SETBP1: variants seen among roughly 807,000 people sequenced by gnomAD.
The protein encoded by SETBP1 is SET-binding protein.
SETBP1 carries 9 observed loss-of-function variants against 101.0 expected under a neutral mutation model. The ratio of observed to expected loss-of-function variants is 0.09; its 90% CI spans 0.05 to 0.16. The LOEUF (loss-of-function observed/expected upper bound fraction) is 0.16, where lower values mean the gene tolerates loss of function less well. Ranked by LOEUF, SETBP1 falls within the 10% of genes least tolerant of loss-of-function variation. The pLI, the probability that SETBP1 is intolerant of heterozygous loss-of-function variation, is 1.00. For synonymous variants in SETBP1, 818 were observed against 788.5 expected (o/e 1.04, Z -0.63); for missense variants, 1,858 against 2,033.8 (o/e 0.91, Z 1.66).
At chr18:44,845,905 C>G (rs1397690924) in intron 2 of SETBP1, among the ~76,000 whole-genome samples, 1 of 152,152 alleles carries the variant, frequency 6.6e-6, no homozygotes, top group Non-Finnish European at 1.5e-5. Context: ...ATACCTCTTC[C>G]CAGGGTAAAT....
intron 5 of SETBP1, among the ~76,000 whole-genome samples, chr18:45,056,845 A>G (rs912500713): frequency 2.6e-5 from 4 of 152,198 alleles, no homozygotes; most frequent in African/African-American, 9.6e-5. Context: ...ACCTTGTCCC[A>G]AGAAAAAATG....
At chr18:44,757,115 G>T (rs963069379) in intron 2 of SETBP1, among the ~76,000 whole-genome samples, 9 of 152,020 alleles carry the variant, frequency 5.9e-5, no homozygotes, top group African/African-American at 1.9e-4. Context: ...AGATACAGTT[G>T]TTAGGATGAG....
intron 2 of SETBP1, among the ~76,000 whole-genome samples, chr18:44,801,307 A>G (rs1388183798): frequency 6.6e-6 from 1 of 152,004 alleles, no homozygotes; most frequent in Non-Finnish European, 1.5e-5. Flanking sequence ...TAGGGGCAGG[A>G]CAAGATCAGA....
At chr18:44,732,165 A>T (rs1357085016) in intron 2 of SETBP1, among the ~76,000 whole-genome samples, 1 of 152,208 alleles carries the variant, frequency 6.6e-6, no homozygotes, top group Non-Finnish European at 1.5e-5. Flanking sequence ...GACCTAAGAA[A>T]GTTGATTACC....
At chr18:44,986,128 C>G (rs903561455) in intron 4 of SETBP1, 1 of 152,172 alleles carries the variant, frequency 6.6e-6, no homozygotes, top group African/African-American at 2.4e-5. Flanking sequence ...GGATAGCCTG[C>G]TACACACCTA....
At chr18:45,043,494 C>T (rs955816773) in intron 5 of SETBP1, among the ~76,000 whole-genome samples, 1 of 151,658 alleles carries the variant, frequency 6.6e-6, no homozygotes, top group Non-Finnish European at 1.5e-5. Context: ...CTCAACTGCT[C>T]GAGGTGTAGC....
At chr18:44,888,838 G>T (rs1321863340) in intron 3 of SETBP1, among the ~76,000 whole-genome samples, 1 of 152,100 alleles carries the variant, frequency 6.6e-6, no homozygotes, top group African/African-American at 2.4e-5. Flanking sequence ...TCAGCTGACT[G>T]CTTTAGTTTT....
intron 4 of SETBP1, among the ~76,000 whole-genome samples, chr18:44,977,162 T>A (rs538773451): frequency 2.7e-4 from 41 of 152,360 alleles, no homozygotes; most frequent in African/African-American, 9.1e-4. Flanking sequence ...GGTTTCCTTC[T>A]GTACTCACCA....
chr18:44,718,291 T>G (rs1292212976), intron 2 of SETBP1, among the ~76,000 whole-genome samples: 1 of 152,142 alleles, frequency 6.6e-6, no homozygotes, highest in Admixed American at 6.5e-5. Context: ...GCCCTCATGC[T>G]CAGCCCTGCC....
chr18:44,903,250 A>G (rs2070095333), intron 3 of SETBP1, among the ~76,000 whole-genome samples: 1 of 152,162 alleles, frequency 6.6e-6, no homozygotes, highest in Admixed American at 6.5e-5. Flanking sequence ...TATAAAATAA[A>G]GCTCTTTTTC....
chr18:44,974,085 A>G (rs1022745104), intron 4 of SETBP1, among the ~76,000 whole-genome samples: 2 of 152,362 alleles, frequency 1.3e-5, no homozygotes, highest in East Asian at 3.9e-4. Flanking sequence ...TACAAAATAC[A>G]ATTCAAATTT....
At chr18:44,990,989 G>A (rs1599419180) in intron 4 of SETBP1, among the ~76,000 whole-genome samples, 1 of 148,880 alleles carries the variant, frequency 6.7e-6, no homozygotes, top group Non-Finnish European at 1.5e-5. Context: ...GGTGGCTCAC[G>A]CCTGTAATCC....
chr18:44,872,871 A>G (rs1001004979), intron 3 of SETBP1, among the ~76,000 whole-genome samples: 1 of 152,256 alleles, frequency 6.6e-6, no homozygotes, highest in Non-Finnish European at 1.5e-5. Context: ...AACGTCCACC[A>G]CAGAGGAAAG....
At chr18:44,702,129 A>G (rs2069126621) in intron 2 of SETBP1, among the ~76,000 whole-genome samples, 2 of 152,152 alleles carry the variant, frequency 1.3e-5, no homozygotes, top group African/African-American at 4.8e-5. Context: ...GCTAGAGAAA[A>G]CGATCTTAAG....
chr18:44,770,397 A>G (rs1335508229), intron 2 of SETBP1, among the ~76,000 whole-genome samples: 1 of 152,224 alleles, frequency 6.6e-6, no homozygotes, highest in Non-Finnish European at 1.5e-5. Context: ...TCAGTTAGAC[A>G]TCAAACATCT....
intron 4 of SETBP1, among the ~76,000 whole-genome samples, chr18:45,012,438 A>C (rs2072858484): frequency 6.6e-6 from 1 of 152,016 alleles, no homozygotes. Flanking sequence ...GAGTGTGGGG[A>C]ATAGTGACTC....
chr18:45,003,758 TGCATAG>T (rs1176280724), intron 4 of SETBP1, among the ~76,000 whole-genome samples: 2 of 152,168 alleles, frequency 1.3e-5, no homozygotes, highest in African/African-American at 4.8e-5. Context: ...AAGGTCTAGT[TGCATAG>T]GCACCCAAAT....
intron 1 of SETBP1, among the ~76,000 whole-genome samples, chr18:44,700,948 C>T (rs571825863): frequency 6.6e-6 from 1 of 152,298 alleles, no homozygotes; most frequent in South Asian, 2.1e-4. Context: ...GGGCCTACAG[C>T]TATAAAATTA....
intron 1 of SETBP1, among the ~76,000 whole-genome samples, chr18:44,681,493 T>C (rs910975787): frequency 3.3e-5 from 5 of 151,934 alleles, no homozygotes; most frequent in African/African-American, 1.2e-4. Flanking sequence ...TCTAAAAAAA[T>C]AAGTTAACTG....
Sources: allele counts gnomAD v4.1 joint callset (sites outside exome capture counted in the v4.1 genomes callset), GRCh38; gene constraint gnomAD v4.1.1; transcripts MANE v1.5; gene names NCBI Gene and HGNC (gene_info 2026-07-23, HGNC 2026-07-21).